NEK6: variants seen among roughly 807,000 people sequenced by gnomAD.
NEK6 encodes serine/threonine-protein kinase Nek6.
NEK6 carries 27 observed loss-of-function variants against 43.5 expected under a neutral mutation model. That is an observed-to-expected ratio of 0.62 (90% CI 0.46 to 0.86). NEK6 has a LOEUF of 0.86. NEK6 is among the 40% of genes least tolerant of loss of function. The pLI, the probability that NEK6 is intolerant of heterozygous loss-of-function variation, is 0.00. For synonymous variants in NEK6, 167 were observed against 164.1 expected, an observed-to-expected ratio of 1.02 and a Z score of -0.14; for missense variants, 318 against 414.4, an observed-to-expected ratio of 0.77 and a Z score of 2.02.
intron 2 of NEK6, among the ~76,000 whole-genome samples, chr9:124,302,402 G>C (rs1833029237): frequency 6.6e-6 from 1 of 152,222 alleles, no homozygotes; most frequent in East Asian, 1.9e-4. Context: ...GAGGGACTCA[G>C]AGGAATGGGC....
chr9:124,306,894 C>G (rs188071174), intron 2 of NEK6, among the ~76,000 whole-genome samples: 2 of 152,114 alleles, frequency 1.3e-5, no homozygotes, highest in African/African-American at 4.8e-5. Flanking sequence ...AGGTGAAATT[C>G]GTTTATAAGA....
chr9:124,260,097 C>T (rs1564608986), intron 1 of NEK6, among the ~76,000 whole-genome samples: 1 of 152,090 alleles, frequency 6.6e-6, no homozygotes, highest in African/African-American at 2.4e-5. Context: ...CTGAGGCACA[C>T]GGGGGTCAAG....
chr9:124,273,811 T>C (rs547434681), intron 1 of NEK6, among the ~76,000 whole-genome samples: 1 of 152,126 alleles, frequency 6.6e-6, no homozygotes, highest in Non-Finnish European at 1.5e-5. Flanking sequence ...TACGGGTTTT[T>C]TTGTTGTTGT....
At chr9:124,283,452 G>A (rs1052197707) in intron 1 of NEK6, among the ~76,000 whole-genome samples, 5 of 152,244 alleles carry the variant, frequency 3.3e-5, no homozygotes, top group Non-Finnish European at 7.3e-5. Flanking sequence ...ACGGAGGACA[G>A]AGGCTGCTAA....
At position 124,326,293 on chromosome 9, in the gene NEK6, C is replaced by T. The variant is rs1457047560; in HGVS notation, c.406-37C>T. On this transcript the variant is annotated intron_variant, in intron 5 of 9. Transcript: ENST00000320246. The surrounding 1 kb of genome is among the most constrained non-coding windows in gnomAD (Gnocchi z 4.5). ...GGCCACCCACCTCCAAGCCCGCTCA[C>T]CCGGGCCTATCCCTCTGCTTGTCTC... 1 of 1,531,560 alleles carries T rather than the reference C, an allele frequency of 6.5e-7. No individual in the cohort carries two copies. The highest frequency in any genetic ancestry group is 9.0e-7 in the Non-Finnish European group (1 of 1,112,950). The allele number at this position is 1,531,560 out of a possible 1,614,324, so 94.9% of individuals were successfully genotyped here. A position where few individuals can be genotyped will look rare whatever the true frequency, so the allele number is the denominator to read the frequency against.
intron 1 of NEK6, among the ~76,000 whole-genome samples, chr9:124,287,984 C>T (rs1832237577): frequency 6.6e-6 from 1 of 152,218 alleles, no homozygotes; most frequent in Non-Finnish European, 1.5e-5. Flanking sequence ...GGGGCCAGCT[C>T]AGTTTCATTG....
chr9:124,272,518 G>C (rs2118927566), intron 1 of NEK6, among the ~76,000 whole-genome samples: 1 of 152,356 alleles, frequency 6.6e-6, no homozygotes, highest in Non-Finnish European at 1.5e-5. Context: ...GCAATCCCTG[G>C]GGATTTAACA....
intron 9 of NEK6, among the ~76,000 whole-genome samples, chr9:124,349,235 G>A (rs1340092607): frequency 2.6e-5 from 4 of 152,248 alleles, no homozygotes; most frequent in Admixed American, 2.0e-4. Flanking sequence ...CCCAGTGGGA[G>A]GAAAAACAAG....
At chr9:124,331,259 CAAA>C (rs779194493) in intron 7 of NEK6, among the ~76,000 whole-genome samples, 1 of 95,280 alleles carries the variant, frequency 1.0e-5, no homozygotes, top group Non-Finnish European at 2.0e-5. Context: ...GACTCTGTCT[CAAA>C]AAAAAAAAAA....
At position 124,318,077 on chromosome 9, in the gene NEK6, T is replaced by C. The variant is rs540043827; in HGVS notation, c.295-3382T>C. 1.1e-4 allele frequency among the ~76,000 whole-genome samples: 16 copies of C among 152,336 alleles called. 1 individual carries two copies. In the South Asian group the frequency reaches 2.7e-3, roughly 26 times the overall value. On this transcript the variant is annotated intron_variant, in intron 4 of 9. Coordinates refer to ENST00000320246, the MANE Select transcript of NEK6 (RefSeq NM_014397.6). Reference sequence around the variant, plus strand: ...GCTGGGTCAAATGGTAGTTCTATTTTTAGTTCTTTGAGAAATTTCCAGACT... The same window carrying C: ...GCTGGGTCAAATGGTAGTTCTATTTCTAGTTCTTTGAGAAATTTCCAGACT...
intron 7 of NEK6, among the ~76,000 whole-genome samples, chr9:124,331,242 G>T (rs1326907582): frequency 7.4e-6 from 1 of 134,348 alleles, no homozygotes; most frequent in Non-Finnish European, 1.6e-5. Flanking sequence ...CTTCAGCCTG[G>T]GCGAGCGACT....
intron 8 of NEK6, among the ~76,000 whole-genome samples, chr9:124,346,943 C>T (rs535508625): frequency 8.8e-4 from 134 of 152,344 alleles, no homozygotes; most frequent in South Asian, 3.3e-3. Flanking sequence ...GCCCAAGCCT[C>T]GCCACAGGCC....
intron 9 of NEK6, among the ~76,000 whole-genome samples, chr9:124,348,450 T>C (rs563749607): frequency 6.6e-6 from 1 of 152,262 alleles, no homozygotes; most frequent in South Asian, 2.1e-4. Flanking sequence ...CCTTGGTGGA[T>C]AATGGTGAGG....
At chr9:124,313,358 C>T (rs1312819169) in intron 3 of NEK6, among the ~76,000 whole-genome samples, 2 of 151,830 alleles carry the variant, frequency 1.3e-5, no homozygotes, top group African/African-American at 4.8e-5. Context: ...AAAAAAGGAC[C>T]AGTTTCTCTC....
intron 1 of NEK6, chr9:124,292,918 T>G: frequency 6.5e-7 from 1 of 1,528,248 alleles, no homozygotes; most frequent in Admixed American, 2.1e-5. Flanking sequence ...ACGGGGTGAG[T>G]CCAGGAAGGC....
chr9:124,321,618 C>T (rs1466463213), intron 5 of NEK6, 49 bp downstream of exon 5: 1 of 1,194,438 alleles, frequency 8.4e-7, no homozygotes, highest in Non-Finnish European at 1.2e-6. Flanking sequence ...AGATCTGGAG[C>T]CAAAGGTGGC....
intron 1 of NEK6, among the ~76,000 whole-genome samples, chr9:124,293,259 C>G (rs2119067976): frequency 6.6e-6 from 1 of 152,356 alleles, no homozygotes; most frequent in Middle Eastern, 3.4e-3. Context: ...ACCTCAGTTT[C>G]TTCATCTGTA....
chr9:124,329,440 A>G (rs1191727878), intron 7 of NEK6, among the ~76,000 whole-genome samples: 1 of 152,234 alleles, frequency 6.6e-6, no homozygotes, highest in East Asian at 1.9e-4. Flanking sequence ...CGACAGTATG[A>G]TTTTATTGAC....
chr9:124,347,831 G>C lies in NEK6; in HGVS notation c.831+9G>C, dbSNP rs534936044. 6.3e-7 allele frequency: 1 copy of C among 1,589,882 alleles called. No individual in the cohort carries two copies. The highest frequency in any genetic ancestry group is 1.7e-5 in the Admixed American group (1 of 59,298). On this transcript the variant is annotated intron_variant, in intron 9 of 9. Coordinates refer to ENST00000320246, the MANE Select transcript of NEK6 (RefSeq NM_014397.6). The stretch of plus-strand genomic sequence containing the variant: ...AGCACTACTCCGAGAAGGTGAGTTT[G>C]CAGGAGCCGGAGGCCTCGCCAGCCC...
Sources: allele counts gnomAD v4.1 joint callset (sites outside exome capture counted in the v4.1 genomes callset), GRCh38; gene constraint gnomAD v4.1.1; non-coding constraint Gnocchi (gnomAD v3.1); transcripts MANE v1.5; gene names NCBI Gene and HGNC (gene_info 2026-07-23, HGNC 2026-07-21).